The following KLHL1 variants were observed in gnomAD, a reference collection of about 807,000 sequenced individuals.
The protein encoded by KLHL1 is kelch-like protein 1.
KLHL1 carries 47 observed loss-of-function variants against 77.7 expected under a neutral mutation model. The ratio of observed to expected loss-of-function variants is 0.60; its 90% CI spans 0.48 to 0.77. The LOEUF (loss-of-function observed/expected upper bound fraction) is 0.77, where lower values mean the gene tolerates loss of function less well. Ranked by LOEUF, KLHL1 falls within the 30% of genes least tolerant of loss-of-function variation. The probability of loss-of-function intolerance (pLI) is 0.00; values close to 1 mark genes in which losing one functional copy is unlikely to be tolerated. For synonymous variants in KLHL1, 360 were observed against 325.2 expected, an observed-to-expected ratio of 1.11 and a Z score of -1.15; for missense variants, 925 against 910.8, an observed-to-expected ratio of 1.02 and a Z score of -0.20.
chr13:70,077,976 T>TTTA (rs1887303669), intron 1 of KLHL1, among the ~76,000 whole-genome samples: 1 of 152,088 alleles, frequency 6.6e-6, no homozygotes, highest in Admixed American at 6.5e-5. Context: ...TCAGTCCATA[T>TTTA]TTATCATTCT....
intron 7 of KLHL1, among the ~76,000 whole-genome samples, chr13:69,757,134 C>T (rs892159381): frequency 6.6e-6 from 1 of 152,042 alleles, no homozygotes; most frequent in African/African-American, 2.4e-5. Flanking sequence ...CTTTTAGAAA[C>T]CTACATTCAA....
intron 1 of KLHL1, among the ~76,000 whole-genome samples, chr13:70,082,348 CACACACACACACACACACACA>C (rs1444058570): frequency 1.3e-5 from 2 of 149,840 alleles, no homozygotes; most frequent in African/African-American, 4.9e-5. Flanking sequence ...CACACACACA[CACACACACACACACACACACA>C]AAGGAACCAT....
At chr13:69,878,697 C>CATATAT (rs200660318) in intron 5 of KLHL1, among the ~76,000 whole-genome samples, 2 of 149,064 alleles carry the variant, frequency 1.3e-5, no homozygotes, top group African/African-American at 4.9e-5. Context: ...TGTGTGTATG[C>CATATAT]ATATATATAT....
At chr13:69,763,825 C>T (rs894488652) in intron 7 of KLHL1, among the ~76,000 whole-genome samples, 9 of 152,256 alleles carry the variant, frequency 5.9e-5, no homozygotes, top group East Asian at 1.9e-4. Flanking sequence ...AGATAGATCC[C>T]AAAACAGAGC....
intron 2 of KLHL1, among the ~76,000 whole-genome samples, chr13:69,972,662 C>T (rs1884420237): frequency 6.6e-6 from 1 of 151,726 alleles, no homozygotes; most frequent in Non-Finnish European, 1.5e-5. Context: ...ACATTATTTC[C>T]AACTCAAGAC....
chr13:69,832,000 T>C (rs1234440618), intron 6 of KLHL1, among the ~76,000 whole-genome samples: 1 of 150,164 alleles, frequency 6.7e-6, no homozygotes, highest in Non-Finnish European at 1.5e-5. Context: ...TTATACTGGA[T>C]GAGGAAAAGT....
intron 5 of KLHL1, among the ~76,000 whole-genome samples, chr13:69,878,635 C>T (rs986076427): frequency 7.3e-5 from 11 of 150,942 alleles, no homozygotes; most frequent in East Asian, 2.0e-4. Context: ...TGTAACATTA[C>T]GTGTGTGTAT....
intron 4 of KLHL1, among the ~76,000 whole-genome samples, chr13:69,934,846 T>G (rs964920895): frequency 4.6e-5 from 7 of 151,522 alleles, no homozygotes; most frequent in African/African-American, 1.7e-4. Context: ...TCTACCTCAT[T>G]TTTTACAATT....
At chr13:69,861,117 C>T (rs1160941204) in intron 5 of KLHL1, among the ~76,000 whole-genome samples, 1 of 152,002 alleles carries the variant, frequency 6.6e-6, no homozygotes, top group Non-Finnish European at 1.5e-5. Flanking sequence ...CAAAGTAACG[C>T]TAACTGGTAA....
At chr13:69,858,880 G>A (rs1022853967) in intron 5 of KLHL1, among the ~76,000 whole-genome samples, 1 of 152,022 alleles carries the variant, frequency 6.6e-6, no homozygotes, top group Non-Finnish European at 1.5e-5. Context: ...AGGAAATCAA[G>A]TAGAATACAA....
chr13:69,927,240 C>G (rs1882846840), intron 4 of KLHL1, among the ~76,000 whole-genome samples: 2 of 152,008 alleles, frequency 1.3e-5, no homozygotes, highest in African/African-American at 4.8e-5. Flanking sequence ...TACACCTTTA[C>G]TTCACACCAT....
chr13:69,840,316 C>A (rs1879195736), intron 5 of KLHL1, among the ~76,000 whole-genome samples: 1 of 150,634 alleles, frequency 6.6e-6, no homozygotes, highest in Admixed American at 6.6e-5. Context: ...CTCTGCTTCC[C>A]AGGTTCAAGC....
intron 6 of KLHL1, among the ~76,000 whole-genome samples, chr13:69,819,799 C>T (rs934745574): frequency 2.0e-5 from 3 of 152,236 alleles, no homozygotes; most frequent in African/African-American, 7.2e-5. Flanking sequence ...AGGTGATAAA[C>T]AGAGCAACGT....
intron 4 of KLHL1, among the ~76,000 whole-genome samples, chr13:69,930,818 C>G (rs754437273): frequency 1.6e-4 from 24 of 151,564 alleles, no homozygotes; most frequent in Non-Finnish European, 2.7e-4. Context: ...AAAACTACAG[C>G]CTTTTTCTGA....
At chr13:69,953,632 C>A (rs115711072) in intron 3 of KLHL1, among the ~76,000 whole-genome samples, 1,649 of 150,486 alleles carry the variant, frequency 0.011, 34 homozygotes, top group African/African-American at 0.038. Flanking sequence ...CATGAATATA[C>A]AATAAAAATC....
In KLHL1 at chr13:69,932,742, G is replaced by A. The variant is rs981705490; in HGVS notation, c.1014+7298C>T. Among the ~76,000 whole-genome samples, 5 of 151,604 alleles carry A rather than the reference G, an allele frequency of 3.3e-5. No individual in the cohort carries two copies. In the East Asian group the frequency reaches 5.8e-4, roughly 18 times the overall value. ...GTTATATCTTAATGTTTTAGAAATC[G>A]AAGCTCAGTAGAACAAATAGAATAA... On this transcript the variant is annotated intron_variant, in intron 4 of 10. Coordinates refer to ENST00000377844, the MANE Select transcript of KLHL1 (RefSeq NM_020866.3).
intron 1 of KLHL1, among the ~76,000 whole-genome samples, chr13:70,025,308 A>G (rs1401002189): frequency 6.6e-6 from 1 of 152,038 alleles, no homozygotes; most frequent in Non-Finnish European, 1.5e-5. Flanking sequence ...CATAGGCTGT[A>G]ATTCTCAGTG....
chr13:69,777,859 C>T (rs903651322), intron 7 of KLHL1, among the ~76,000 whole-genome samples: 1 of 152,060 alleles, frequency 6.6e-6, no homozygotes, highest in Non-Finnish European at 1.5e-5. Flanking sequence ...CAATACCTTA[C>T]TTATCATTTT....
intron 4 of KLHL1, among the ~76,000 whole-genome samples, chr13:69,904,240 A>G (rs542660471): frequency 1.2e-4 from 18 of 152,228 alleles, no homozygotes; most frequent in African/African-American, 4.3e-4. Flanking sequence ...TCCTGACAAT[A>G]TTACCTTGTT....
Sources: allele counts gnomAD v4.1 joint callset (sites outside exome capture counted in the v4.1 genomes callset), GRCh38; gene constraint gnomAD v4.1.1; transcripts MANE v1.5; gene names NCBI Gene and HGNC (gene_info 2026-07-23, HGNC 2026-07-21).